Variants in CP observed in about 807,000 individuals in gnomAD.
CP encodes the protein ceruloplasmin.
Under a neutral mutation model 122.4 loss-of-function variants are expected in CP, and 64 were observed. The observed-to-expected ratio is 0.52, with a 90% CI of 0.43 to 0.64. The LOEUF is 0.64. CP is among the 30% of genes least tolerant of loss of function. The probability of loss-of-function intolerance (pLI) is 0.00; values close to 1 mark genes in which losing one functional copy is unlikely to be tolerated. For missense variants in CP, 1,167 were observed against 1,284.4 expected, an observed-to-expected ratio of 0.91 and a Z score of 1.40; for synonymous variants, 440 against 436.4, an observed-to-expected ratio of 1.01 and a Z score of -0.10.
At chr3:149,217,432 GA>G (rs1234957275) in intron 1 of CP, among the ~76,000 whole-genome samples, 1 of 152,112 alleles carries the variant, frequency 6.6e-6, no homozygotes, top group Non-Finnish European at 1.5e-5. Context: ...ACAGTAAAAT[GA>G]AACTTCGAAT....
chr3:149,192,065 T>C (rs1726579648), intron 9 of CP, among the ~76,000 whole-genome samples: 1 of 152,030 alleles, frequency 6.6e-6, no homozygotes, highest in Admixed American at 6.6e-5. Flanking sequence ...TGATCTAGAA[T>C]AATGTATATG....
chr3:149,188,421 GTC>G (rs1008022435), intron 9 of CP, among the ~76,000 whole-genome samples: 3 of 127,398 alleles, frequency 2.4e-5, no homozygotes, highest in Middle Eastern at 5.6e-3. Context: ...GGTAATCTGA[GTC>G]TCTCTCTGCA....
chr3:149,198,286 A>G, intron 9 of CP, 81 bp downstream of exon 9: 7 of 1,106,790 alleles, frequency 6.3e-6, no homozygotes, highest in Non-Finnish European at 9.6e-6. Flanking sequence ...GGAGATAATG[A>G]TGAGGTTAGA....
intron 13 of CP, 92 bp from the exon 14 acceptor site, chr3:149,182,225 C>A: frequency 6.8e-7 from 1 of 1,467,654 alleles, no homozygotes; most frequent in South Asian, 1.1e-5. Flanking sequence ...TTCTCTCCCC[C>A]ATGGGTTTGT....
chr3:149,171,207 G>A (rs1348425347), downstream of CP, among the ~76,000 whole-genome samples: 1 of 152,136 alleles, frequency 6.6e-6, no homozygotes, highest in Admixed American at 6.5e-5. Context: ...GGACCCAGGA[G>A]GCAGAGGTTG....
intron 5 of CP, among the ~76,000 whole-genome samples, chr3:149,165,484 AT>A (rs34255649): frequency 6.7e-5 from 10 of 149,270 alleles, no homozygotes; most frequent in East Asian, 2.0e-4. Flanking sequence ...AACTTTTATA[AT>A]TTTTTTTTTT....
At chr3:149,221,619 T>C (rs1375877946) in intron 1 of CP, 28 bp downstream of exon 1, 48 of 1,600,926 alleles carry the variant, frequency 3.0e-5, no homozygotes, top group Non-Finnish European at 3.6e-5. Flanking sequence ...AAAATTTTGG[T>C]CTATAAACAA....
In CP at chr3:149,210,221, C is replaced by T. The variant is rs960307294; in HGVS notation, c.553G>A (p.Ala185Thr). The T allele has an allele frequency of 1.9e-6, 3 of 1,613,894 alleles. No homozygotes were observed. Among genetic ancestry groups the T allele is most frequent in the African/African-American group, 2.7e-5 (2 of 74,902 alleles). ...AGTCCTGAGGCAATATCTTTTGGAG[C>T]ATCAATGTGGGAATGGTAAATCCTA... ...VTRIYHSHID[A>T]PKDIASGLIG... Residue 185 changes from alanine to threonine, a missense_variant, in exon 3 of 19, where the codon GCT (alanine) becomes ACT (threonine). Ala to Thr is a moderately conservative substitution (Grantham distance 58, BLOSUM62 0). This residue lies in a region of CP where 642 missense variants were observed against 627.3 expected (regional missense o/e 1.02). Coordinates refer to ENST00000264613, the MANE Select transcript of CP (RefSeq NM_000096.4).
In CP at chr3:149,207,614, A is replaced by G; in HGVS notation, c.785T>C (p.Val262Ala). ...GAGACTTCCAAAAGTGTATCCATTC[A>G]CAGCTGTAAGTCAAGAGCAGAGTTT... ...DFQESNRMYS[V>A]NGYTFGSLPG... The change falls in exon 5 of 19, where the codon GTG (valine) becomes GCG (alanine). Residue 262 changes from valine to alanine, a missense_variant. Physicochemically the swap from Val to Ala is moderately conservative, Grantham distance 64 (BLOSUM62 0). Around this residue, in one of 2 missense-constraint regions of CP, gnomAD observed 642 missense variants for 627.3 expected, o/e 1.02. Coordinates refer to ENST00000264613, the MANE Select transcript of CP (RefSeq NM_000096.4). 1 of 1,613,860 alleles carries G rather than the reference A, an allele frequency of 6.2e-7. No homozygotes were observed. Among genetic ancestry groups the G allele is most frequent in the Non-Finnish European group, 8.5e-7 (1 of 1,179,742 alleles).
intron 8 of CP, 118 bp downstream of exon 8, chr3:149,199,589 AGAAAT>A: frequency 1.7e-6 from 2 of 1,171,646 alleles, no homozygotes; most frequent in South Asian, 2.5e-5. Context: ...CATGATGCCT[AGAAAT>A]GATATATGAG....
intron 7 of CP, chr3:149,200,093 A>G: frequency 3.7e-6 from 2 of 535,454 alleles, no homozygotes; most frequent in Non-Finnish European, 6.7e-6. Context: ...GAAATTGATT[A>G]TCATTTTTGT....
intron 9 of CP, among the ~76,000 whole-genome samples, chr3:149,189,012 C>T (rs764356055): frequency 2.0e-5 from 3 of 152,006 alleles, no homozygotes; most frequent in Non-Finnish European, 4.4e-5. Flanking sequence ...TGAAGGGGAT[C>T]TAAAGAAAGC....
Position 149,210,358 on chromosome 3 carries a change from GTGT to G in CP, c.413_415del (p.Asn138del). 1 of 1,613,976 alleles carries G rather than the reference GTGT, an allele frequency of 6.2e-7. No individual in the cohort carries two copies. Among genetic ancestry groups the G allele is most frequent in the Non-Finnish European group, 8.5e-7 (1 of 1,179,888 alleles). On this transcript the variant is annotated inframe_deletion, in exon 3 of 19. Transcript: ENST00000264613. ...GTCATCTGCTCTTTGAAAATCTGTGGTGTTATCAGGGTAGATGGCCCCTAGGAA... is the reference window on the plus strand; with the variant it reads ...GTCATCTGCTCTTTGAAAATCTGTGGTATCAGGGTAGATGGCCCCTAGGAA...
At chr3:149,210,445 G>A (rs568021696) in intron 2 of CP, 66 bp from the exon 3 acceptor site, 1 of 1,316,760 alleles carries the variant, frequency 7.6e-7, no homozygotes, top group Admixed American at 1.7e-5. Flanking sequence ...AGAATAGATA[G>A]TCCATTAATT....
chr3:149,220,286 A>AGAG lies in CP; in HGVS notation c.146+1358_146+1360dup, dbSNP rs200259494. Among the ~76,000 whole-genome samples the AGAG allele has an allele frequency of 3.9e-5, 6 of 152,316 alleles. No homozygotes were observed. In the East Asian group the frequency reaches 1.2e-3, roughly 29 times the overall value. On this transcript the variant is annotated intron_variant, in intron 1 of 18. Transcript: ENST00000264613. ...TTGATTTTTGATCACGAACAATGGC[A>AGAG]GAGTGGTGGTGAGTGGGGGCATAGA...
intron 9 of CP, among the ~76,000 whole-genome samples, chr3:149,188,864 G>T (rs1440129446): frequency 2.0e-5 from 3 of 152,112 alleles, no homozygotes; most frequent in African/African-American, 7.2e-5. Flanking sequence ...TTAAAGGAGA[G>T]AATACTTTAG....
chr3:149,200,246 G>A (rs1239441071), intron 7 of CP, among the ~76,000 whole-genome samples: 4 of 152,132 alleles, frequency 2.6e-5, no homozygotes, highest in African/African-American at 9.7e-5. Flanking sequence ...AAGCAGATAA[G>A]TTGAATTGTT....
At chr3:149,187,954 A>T in intron 10 of CP, 98 bp downstream of exon 10, 1 of 1,305,244 alleles carries the variant, frequency 7.7e-7, no homozygotes, top group Non-Finnish European at 1.1e-6. Context: ...TTGAAAAAAT[A>T]ATCAATGAGC....
chr3:149,179,428 G>T (rs1725637266), intron 15 of CP, 128 bp downstream of exon 15: 2 of 749,476 alleles, frequency 2.7e-6, no homozygotes, highest in Non-Finnish European at 4.7e-6. Context: ...TGCTAAAGTA[G>T]ATTGCAAACA....
Sources: allele counts gnomAD v4.1 joint callset (sites outside exome capture counted in the v4.1 genomes callset), GRCh38; gene constraint gnomAD v4.1.1; regional missense constraint gnomAD v4.1.1; transcripts MANE v1.5; gene names NCBI Gene and HGNC (gene_info 2026-07-23, HGNC 2026-07-21).